The following TNFAIP3 variants were observed in gnomAD, a reference collection of about 807,000 sequenced individuals.
TNFAIP3 encodes the protein tumor necrosis factor alpha-induced protein 3.
TNFAIP3 carries 9 observed loss-of-function variants against 72.4 expected under a neutral mutation model. That is an observed-to-expected ratio of 0.12 (90% CI 0.07 to 0.22). The LOEUF (loss-of-function observed/expected upper bound fraction) is 0.22. Among genes scored for constraint, TNFAIP3 ranks in the 10% least tolerant of loss-of-function variants. The pLI is 1.00. For synonymous variants in TNFAIP3, 339 were observed against 372.6 expected, an observed-to-expected ratio of 0.91 and a Z score of 1.04; for missense variants, 833 against 1,018.7, an observed-to-expected ratio of 0.82 and a Z score of 2.48.
chr6:137,880,551 C>A (rs1338176172), intron 8 of TNFAIP3, among the ~76,000 whole-genome samples: 1 of 152,202 alleles, frequency 6.6e-6, no homozygotes, highest in Non-Finnish European at 1.5e-5. Flanking sequence ...TGATCAGAGG[C>A]TTCTTTGATT....
At position 137,871,201 on chromosome 6, in the gene TNFAIP3, T is replaced by G; in HGVS notation, c.-15-12T>G. On this transcript the variant is annotated splice_polypyrimidine_tract_variant and intron_variant, in intron 1 of 8. Coordinates refer to ENST00000612899, the MANE Select transcript of TNFAIP3 (RefSeq NM_001270508.2). This position sits in a 1 kb window ranked among gnomAD's most constrained non-coding sequence, Gnocchi z 4.2. Reference sequence around the variant, plus strand: ...TAATAGAATGGCTTTTTTTTTTTCCTTTCCTTTTCAGGTGTTGGAGAGCAC... The same window carrying G: ...TAATAGAATGGCTTTTTTTTTTTCCGTTCCTTTTCAGGTGTTGGAGAGCAC... The G allele has an allele frequency of 3.2e-6, 5 of 1,572,372 alleles. No individual in the cohort carries two copies. In the South Asian group the frequency reaches 6.0e-5, roughly 19 times the overall value.
chr6:137,871,129 T>C lies in TNFAIP3; in HGVS notation c.-15-84T>C. On this transcript the variant is annotated intron_variant, in intron 1 of 8. Transcript: ENST00000612899. The surrounding 1 kb of genome is among the most constrained non-coding windows in gnomAD (Gnocchi z 4.2). ...TCAGGGTAATGACAAGATCAAACACTGGGGTTTCCTGCAGGCAGCTATAGA... is the reference window on the plus strand; with the variant it reads ...TCAGGGTAATGACAAGATCAAACACCGGGGTTTCCTGCAGGCAGCTATAGA... The C allele has an allele frequency of 7.6e-7, 1 of 1,308,994 alleles. No individual in the cohort carries two copies. Among genetic ancestry groups the C allele is most frequent in the Non-Finnish European group, 1.0e-6 (1 of 957,556 alleles). The allele number at this position is 1,308,994 out of a possible 1,614,324, so 81.1% of individuals were successfully genotyped here.
At position 137,878,725 on chromosome 6, in the gene TNFAIP3, C is replaced by G. The variant is rs367828699; in HGVS notation, c.1280C>G (p.Pro427Arg). The change falls in exon 7 of 9, where the codon CCT becomes CGT. Residue 427 changes from proline to arginine, a missense_variant. By Grantham distance (103) the Pro-to-Arg change is moderately radical. Around this residue, in one of 2 missense-constraint regions of TNFAIP3, gnomAD observed 587 missense variants for 657.8 expected, o/e 0.89. Coordinates refer to ENST00000612899, the MANE Select transcript of TNFAIP3 (RefSeq NM_001270508.2). Reference protein sequence around the residue: ...KLPKLNSKPGPEGLPGMALGA... With the variant: ...KLPKLNSKPGREGLPGMALGA... The stretch of plus-strand genomic sequence containing the variant: ...CCAAAGCTGAACTCCAAGCCGGGCC[C>G]TGAGGGGCTCCCTGGCATGGCGCTC... The G allele has an allele frequency of 6.2e-7, 1 of 1,614,134 alleles. No homozygotes were observed. The highest frequency in any genetic ancestry group is 8.5e-7 in the Non-Finnish European group (1 of 1,180,032).
At chr6:137,874,586 C>G (rs5029939) in intron 2 of TNFAIP3, among the ~76,000 whole-genome samples, 19,200 of 152,196 alleles carry the variant, frequency 0.13, 2,826 homozygotes, top group African/African-American at 0.36. Context: ...TAGGAGCAGA[C>G]TTAAGCTAGA....
At chr6:137,870,888 G>T (rs1447743232) in intron 1 of TNFAIP3, among the ~76,000 whole-genome samples, 1 of 152,200 alleles carries the variant, frequency 6.6e-6, no homozygotes, top group Non-Finnish European at 1.5e-5. Context: ...GTTTTGAGGA[G>T]CAGTACCTGT....
Position 137,880,083 on chromosome 6 carries a change from C to T in TNFAIP3, c.1919C>T (p.Ala640Val). The change falls in exon 8 of 9, where the codon GCC becomes GTC. Residue 640 changes from alanine (A) to valine (V), a missense_variant. Ala to Val is a moderately conservative substitution (Grantham distance 64). Transcript: ENST00000612899. ...CATTCTCATGTAGATTTTGCTGCTG[C>T]CTCAGGGAAAGTCAGTCCCACAGCG... ...EYRENKHFAAASGKVSPTASR... is the reference protein window; with the variant it reads ...EYRENKHFAAVSGKVSPTASR... 1.2e-6 allele frequency: 2 copies of T among 1,614,070 alleles called. No individual in the cohort carries two copies. The highest frequency in any genetic ancestry group is 1.7e-6 in the Non-Finnish European group (2 of 1,179,974).
In TNFAIP3 at chr6:137,877,161, G is replaced by A. The variant is rs1041432977; in HGVS notation, c.891G>A (p.Glu297=). 7 of 1,614,060 alleles carry A rather than the reference G, an allele frequency of 4.3e-6. No homozygotes were observed. Among genetic ancestry groups the A allele is most frequent in the Non-Finnish European group, 5.9e-6 (7 of 1,179,990 alleles). ...ACTTTTTGACAGATCCTGAAAATGAGATGAAGGAGAAGCTCTTAAAAGAGT... is the reference window on the plus strand; with the variant it reads ...ACTTTTTGACAGATCCTGAAAATGAAATGAAGGAGAAGCTCTTAAAAGAGT... The part of the protein sequence containing the change: ...KVHFLTDPEN[E]MKEKLLKEYL... The change falls in exon 6 of 9, where the codon GAG becomes GAA. Residue 297 remains glutamate (E), a synonymous_variant. Coordinates refer to ENST00000612899, the MANE Select transcript of TNFAIP3 (RefSeq NM_001270508.2).
rs762827280 is a variant in TNFAIP3 at position 137,881,361 on chromosome 6, G to A, written c.*42G>A. 14 of 1,509,190 alleles carry A rather than the reference G, an allele frequency of 9.3e-6. No individual in the cohort carries two copies. The highest frequency in any genetic ancestry group is 4.2e-5 in the African/African-American group (3 of 71,570). The allele number at this position is 1,509,190 out of a possible 1,614,324, so 93.5% of individuals were successfully genotyped here. On this transcript the variant is annotated 3_prime_UTR_variant, in exon 9 of 9. Transcript: ENST00000612899. This position sits in a 1 kb window ranked among gnomAD's most constrained non-coding sequence, Gnocchi z 5.0. ...CACCTCCTGCAAGAAGTGGGGCCTC[G>A]AGCTGTCAGTCATCATGGTGCTATC...
chr6:137,877,752 AT>A (rs1776297715), intron 6 of TNFAIP3, among the ~76,000 whole-genome samples: 1 of 152,220 alleles, frequency 6.6e-6, no homozygotes, highest in Non-Finnish European at 1.5e-5. Context: ...CAGAATACCC[AT>A]TGTGCAGGTA....
At position 137,882,867 on chromosome 6, in the gene TNFAIP3, A is replaced by G. The variant is rs1247687800; in HGVS notation, c.*1548A>G. 1.2e-5 allele frequency: 2 copies of G among 161,032 alleles called. No individual in the cohort carries two copies. Among genetic ancestry groups the G allele is most frequent in the South Asian group, 2.2e-4 (1 of 4,602 alleles). The allele number at this position is 161,032 out of a possible 1,614,324, so 10.0% of individuals were successfully genotyped here. A position where few individuals can be genotyped will look rare whatever the true frequency, so the allele number is the denominator to read the frequency against. On this transcript the variant is annotated 3_prime_UTR_variant, in exon 9 of 9. Coordinates refer to ENST00000612899, the MANE Select transcript of TNFAIP3 (RefSeq NM_001270508.2). ...GTTGCTGTCATATTTGCTCTAGAAG[A>G]AAAAAAAAAAAGGAGGGGAAATGCA...
upstream of TNFAIP3, chr6:137,866,494 C>T (rs1439142992): frequency 1.3e-5 from 2 of 152,516 alleles, no homozygotes. Flanking sequence ...AATGCAATGT[C>T]AGCTGGATGC....
chr6:137,880,020 A>G, intron 7 of TNFAIP3, 51 bp from the exon 8 acceptor site: 2 of 1,549,052 alleles, frequency 1.3e-6, no homozygotes, highest in Non-Finnish European at 1.8e-6. Flanking sequence ...GCATCTCTGT[A>G]TCGGTGGGGT....
chr6:137,878,829 C>G lies in TNFAIP3; in HGVS notation c.1384C>G (p.Pro462Ala). Reference protein sequence around the residue: ...ESTGGPHSAPPTAPSPFLFSE... With the variant: ...ESTGGPHSAPATAPSPFLFSE... ...CACTGGGGGGCCTCATTCGGCCCCACCGACAGCACCCAGCCCTTTTCTGTT... is the reference window on the plus strand; with the variant it reads ...CACTGGGGGGCCTCATTCGGCCCCAGCGACAGCACCCAGCCCTTTTCTGTT... Residue 462 changes from proline to alanine, a missense_variant, in exon 7 of 9, where the codon CCG becomes GCG. Transcript: ENST00000612899. 2 of 1,614,164 alleles carry G rather than the reference C, an allele frequency of 1.2e-6. No homozygotes were observed. The highest frequency in any genetic ancestry group is 8.5e-7 in the Non-Finnish European group (1 of 1,180,042).
At position 137,874,983 on chromosome 6, in the gene TNFAIP3, A is replaced by C. The variant is rs763650703; in HGVS notation, c.434A>C (p.Glu145Ala). The C allele has an allele frequency of 1.1e-5, 18 of 1,614,230 alleles. No homozygotes were observed. The highest frequency in any genetic ancestry group is 1.4e-5 in the Non-Finnish European group (17 of 1,180,032). The change falls in exon 3 of 9, where the codon GAG (glutamate) becomes GCG (alanine). Residue 145 changes from glutamate to alanine, a missense_variant. Physicochemically the swap from Glu to Ala is moderately radical, Grantham distance 107 (BLOSUM62 -1). This residue lies in a region of TNFAIP3 where 246 missense variants were observed against 360.9 expected (regional missense o/e 0.68). Transcript: ENST00000612899. The stretch of plus-strand genomic sequence containing the variant: ...AACTTTAAATTCCGCTGGCAACTGG[A>C]GTCTCTCAAATCTCAGGAATTTGTT... ...TRNFKFRWQLESLKSQEFVET... is the reference protein window; with the variant it reads ...TRNFKFRWQLASLKSQEFVET...
chr6:137,870,839 G>C (rs1776033798), intron 1 of TNFAIP3, among the ~76,000 whole-genome samples: 1 of 152,180 alleles, frequency 6.6e-6, no homozygotes, highest in South Asian at 2.1e-4. Flanking sequence ...ATCCAGTGCT[G>C]TTCAGGGTGG....
In TNFAIP3 at chr6:137,875,680, C is replaced by T. The variant is rs5029947; in HGVS notation, c.487-8C>T. On this transcript the variant is annotated splice_polypyrimidine_tract_variant and splice_region_variant and intron_variant, in intron 3 of 8. Transcript: ENST00000612899. ...ATTCAAGCTTTTTTTTCACCCCGCT[C>T]CCCTTAGAACTGGAATGATGAATGG... The T allele has an allele frequency of 1.2e-6, 2 of 1,613,338 alleles. No individual in the cohort carries two copies. The highest frequency in any genetic ancestry group is 1.6e-4 in the Middle Eastern group (1 of 6,074).
chr6:137,879,141 G>C lies in TNFAIP3; in HGVS notation c.1696G>C (p.Asp566His), dbSNP rs1307820633. 1.2e-6 allele frequency: 2 copies of C among 1,614,132 alleles called. No homozygotes were observed. Among genetic ancestry groups the C allele is most frequent in the Non-Finnish European group, 1.7e-6 (2 of 1,180,034 alleles). ...TTCCTGTCACCAGCGTTCCAAGTCA[G>C]ATCCCTCGCGGCTCGTCCGGAGCCC... ...PPSCHQRSKSDPSRLVRSPSP... is the reference protein window; with the variant it reads ...PPSCHQRSKSHPSRLVRSPSP... Residue 566 changes from aspartate (D) to histidine (H), a missense_variant, in exon 7 of 9, where the codon GAT becomes CAT. Physicochemically the swap from Asp to His is moderately conservative, Grantham distance 81. This residue lies in a region of TNFAIP3 where 587 missense variants were observed against 657.8 expected (regional missense o/e 0.89). Coordinates refer to ENST00000612899, the MANE Select transcript of TNFAIP3 (RefSeq NM_001270508.2).
Position 137,871,627 on chromosome 6 carries a change from T to C in TNFAIP3, c.295+105T>C. 7.6e-7 allele frequency: 1 copy of C among 1,320,116 alleles called. No homozygotes were observed. Among genetic ancestry groups the C allele is most frequent in the Non-Finnish European group, 1.0e-6 (1 of 962,898 alleles). 81.8% of individuals were successfully genotyped at this position (1,320,116 alleles called of 1,614,324 possible). Reference sequence around the variant, plus strand: ...GGACAAGCCCAAACTCAAATCAATCTTGAGATTTAGTATTGAGACCTTTAT... The same window carrying C: ...GGACAAGCCCAAACTCAAATCAATCCTGAGATTTAGTATTGAGACCTTTAT... On this transcript the variant is annotated intron_variant, in intron 2 of 8. Coordinates refer to ENST00000612899, the MANE Select transcript of TNFAIP3 (RefSeq NM_001270508.2). This position sits in a 1 kb window ranked among gnomAD's most constrained non-coding sequence, Gnocchi z 4.2.
At chr6:137,866,575 A>G (rs1239686933), upstream of TNFAIP3, 2 of 152,466 alleles carry the variant, frequency 1.3e-5, no homozygotes, top group African/African-American at 4.8e-5. Context: ...TCTGATTCCT[A>G]AGTTTACCTA....
Sources: gnomAD v4.1 joint callset for allele counts (sites outside exome capture counted in the v4.1 genomes callset) on GRCh38, gnomAD v4.1.1 for gene constraint, gnomAD v4.1.1 regional missense constraint, Gnocchi (gnomAD v3.1) non-coding constraint, MANE v1.5 for transcripts, NCBI Gene and HGNC (gene_info 2026-07-23, HGNC 2026-07-21) for gene names.